BLNK: variants seen among roughly 807,000 people sequenced by gnomAD.
BLNK encodes B cell linker.
Under a neutral mutation model 73.5 loss-of-function variants are expected in BLNK, and 29 were observed. That is an observed-to-expected ratio of 0.39 (90% confidence interval 0.29 to 0.54). The LOEUF is 0.54. Ranked by LOEUF, BLNK falls within the 20% of genes least tolerant of loss-of-function variation. BLNK has a pLI of 0.61. For missense variants in BLNK, 460 were observed against 562.8 expected (o/e 0.82, Z 1.85); for synonymous variants, 176 against 200.8 (o/e 0.88, Z 1.04).
chr10:96,264,410 G>T (rs1474891499), intron 1 of BLNK, among the ~76,000 whole-genome samples: 1 of 152,194 alleles, frequency 6.6e-6, no homozygotes, highest in African/African-American at 2.4e-5. Flanking sequence ...CTGCAAGCCT[G>T]GGGGCAGGAT....
intron 8 of BLNK, among the ~76,000 whole-genome samples, chr10:96,212,132 A>G (rs1161392545): frequency 1.3e-5 from 2 of 152,158 alleles, no homozygotes; most frequent in Admixed American, 1.3e-4. Context: ...AACTTCTGAC[A>G]ATCAGAGGAC....
At position 96,190,023 on chromosome 10, in the gene BLNK, ATTCATTGCCTCTGC is replaced by A. The variant is rs1181695922; in HGVS notation, c.*1936_*1949del. The A allele has an allele frequency of 5.0e-6, 4 of 807,946 alleles. No individual in the cohort carries two copies. The highest frequency in any genetic ancestry group is 6.5e-6 in the Non-Finnish European group (3 of 459,732). The allele number at this position is 807,946 out of a possible 1,614,324, so 50.0% of individuals were successfully genotyped here. On this transcript the variant is annotated 3_prime_UTR_variant, in exon 17 of 17. Transcript: ENST00000224337. ...GTTATTTAATTGGACTGCCTTCATA[ATTCATTGCCTCTGC>A]TTCAACAATGTGCAGTTCATCCTTT... is the stretch of plus-strand genomic sequence containing the variant.
chr10:96,225,893 C>T (rs1554902355), intron 5 of BLNK, among the ~76,000 whole-genome samples: 1 of 152,208 alleles, frequency 6.6e-6, no homozygotes, highest in Non-Finnish European at 1.5e-5. Flanking sequence ...GATCCATCCA[C>T]TGTGGCCTCC....
At chr10:96,248,064 C>A (rs889182390) in intron 1 of BLNK, among the ~76,000 whole-genome samples, 1 of 152,092 alleles carries the variant, frequency 6.6e-6, no homozygotes, top group Non-Finnish European at 1.5e-5. Flanking sequence ...TAGTCAAGAC[C>A]CTCCACTGGT....
At position 96,223,984 on chromosome 10, in the gene BLNK, G is replaced by T; in HGVS notation, c.367C>A (p.Arg123=). The T allele has an allele frequency of 6.2e-7, 1 of 1,612,766 alleles. No individual in the cohort carries two copies. The highest frequency in any genetic ancestry group is 8.5e-7 in the Non-Finnish European group (1 of 1,180,004). Residue 123 remains arginine, a synonymous_variant, in exon 6 of 17, where the codon CGA becomes AGA. Transcript: ENST00000224337. ...GGTGGGGAATGCCTCTGGCTTGATC[G>T]ATTGTCTTGAAAGGAACAAACAAAA... ...PFARGEYIDN[R]SSQRHSPPFS... is the part of the protein sequence containing the mutation.
At chr10:96,253,708 A>G (rs1326234706) in intron 1 of BLNK, among the ~76,000 whole-genome samples, 1 of 152,176 alleles carries the variant, frequency 6.6e-6, no homozygotes, top group African/African-American at 2.4e-5. Context: ...CAGAAGGTTG[A>G]CAGCCATTTT....
At chr10:96,242,057 G>A (rs2134078263) in intron 3 of BLNK, among the ~76,000 whole-genome samples, 1 of 152,196 alleles carries the variant, frequency 6.6e-6, no homozygotes, top group Middle Eastern at 3.4e-3. Flanking sequence ...TGGTTTTTCT[G>A]TGTACCCCCC....
At chr10:96,226,747 A>G (rs1396000114) in intron 5 of BLNK, among the ~76,000 whole-genome samples, 1 of 152,092 alleles carries the variant, frequency 6.6e-6, no homozygotes, top group Non-Finnish European at 1.5e-5. Context: ...AGGCTGAGGC[A>G]GGAGGCTGGA....
intron 2 of BLNK, among the ~76,000 whole-genome samples, chr10:96,246,549 T>C (rs10882761): frequency 0.79 from 119,556 of 152,128 alleles, 48,583 homozygotes; most frequent in Non-Finnish European, 0.9. Flanking sequence ...CGAAACTCCA[T>C]CTCAAAAAAA....
chr10:96,198,460 G>C (rs1554895228), intron 15 of BLNK, among the ~76,000 whole-genome samples: 2 of 152,138 alleles, frequency 1.3e-5, no homozygotes, highest in Non-Finnish European at 2.9e-5. Flanking sequence ...TCAACTCAGA[G>C]ATATATTCTG....
intron 1 of BLNK, among the ~76,000 whole-genome samples, chr10:96,253,831 C>A (rs917240653): frequency 2.6e-5 from 4 of 151,144 alleles, no homozygotes; most frequent in Admixed American, 2.0e-4. Flanking sequence ...TTGGCTAACA[C>A]GGTGAAACCC....
Position 96,189,513 on chromosome 10 carries a change from A to G in BLNK, c.*2460T>C. 1.5e-6 allele frequency: 1 copy of G among 648,100 alleles called. No homozygotes were observed. The allele number at this position is 648,100 out of a possible 1,614,324, so 40.1% of individuals were successfully genotyped here. A position where few individuals can be genotyped will look rare whatever the true frequency, so the allele number is the denominator to read the frequency against. On this transcript the variant is annotated 3_prime_UTR_variant, in exon 17 of 17. Coordinates refer to ENST00000224337, the MANE Select transcript of BLNK (RefSeq NM_013314.4). ...TTGCATTTTTGATTTAATGTCTTCT[A>G]CAGAACTAGGCCCTTTTGGTGTTTT...
At chr10:96,261,815 T>A (rs1843768802) in intron 1 of BLNK, among the ~76,000 whole-genome samples, 1 of 152,238 alleles carries the variant, frequency 6.6e-6, no homozygotes, top group Non-Finnish European at 1.5e-5. Flanking sequence ...TCCTAGTATG[T>A]TCAATATTGA....
chr10:96,229,379 T>C (rs1015506706), intron 4 of BLNK, among the ~76,000 whole-genome samples: 4 of 152,160 alleles, frequency 2.6e-5, no homozygotes, highest in Admixed American at 6.5e-5. Flanking sequence ...TTCTGGAGGC[T>C]TTATTAACAA....
In BLNK at chr10:96,218,352, A is replaced by C. The variant is rs917427534; in HGVS notation, c.526-1618T>G. ...GCTCCATTTCCAGATGAAGAAACTG[A>C]GGCACAGAAAAATTAAGTAGTTTGC... On this transcript the variant is annotated intron_variant, in intron 6 of 16. Coordinates refer to ENST00000224337, the MANE Select transcript of BLNK (RefSeq NM_013314.4). Among the ~76,000 whole-genome samples, 55 of 152,290 alleles carry C rather than the reference A, an allele frequency of 3.6e-4. 1 individual carries two copies. Among genetic ancestry groups the C allele is most frequent in the African/African-American group, 1.1e-3 (47 of 41,564 alleles).
intron 1 of BLNK, among the ~76,000 whole-genome samples, chr10:96,265,850 C>T (rs1470197762): frequency 6.6e-6 from 1 of 152,190 alleles, no homozygotes; most frequent in Non-Finnish European, 1.5e-5. Context: ...GGAGACTGCC[C>T]TGTACAATGT....
chr10:96,204,749 G>A, intron 11 of BLNK, 133 bp from the exon 12 acceptor site: 1 of 771,484 alleles, frequency 1.3e-6, no homozygotes, highest in South Asian at 1.5e-5. Flanking sequence ...TTACTGAGAT[G>A]TCATGGATCT....
chr10:96,245,143 G>A (rs1843000510), intron 2 of BLNK, among the ~76,000 whole-genome samples: 1 of 151,756 alleles, frequency 6.6e-6, no homozygotes, highest in Non-Finnish European at 1.5e-5. Flanking sequence ...CAAGCAGAAG[G>A]CCATTTATGT....
intron 3 of BLNK, among the ~76,000 whole-genome samples, chr10:96,240,161 T>C (rs782626540): frequency 1.3e-5 from 2 of 152,322 alleles, no homozygotes; most frequent in South Asian, 4.1e-4. Flanking sequence ...CCTGTTTGCT[T>C]TCTTGTTTCT....
Sources: allele counts gnomAD v4.1 joint callset (sites outside exome capture counted in the v4.1 genomes callset), GRCh38; gene constraint gnomAD v4.1.1; transcripts MANE v1.5; gene names NCBI Gene and HGNC (gene_info 2026-07-23, HGNC 2026-07-21).